Variants in SDK1 observed in about 807,000 individuals in gnomAD.
The protein encoded by SDK1 is sidekick cell adhesion molecule 1.
Under a neutral mutation model 245.5 loss-of-function variants are expected in SDK1, and 157 were observed. The observed-to-expected ratio is 0.64, with a 90% CI of 0.56 to 0.73. The LOEUF is 0.73. Ranked by LOEUF, SDK1 falls within the 30% of genes least tolerant of loss-of-function variation. SDK1 has a pLI of 0.00. For missense variants in SDK1, 3,583 were observed against 3,002.3 expected, an observed-to-expected ratio of 1.19 and a Z score of -4.52; for synonymous variants, 1,647 against 1,278.5, an observed-to-expected ratio of 1.29 and a Z score of -6.15.
chr7:3,536,621 G>A (rs1778894855), intron 1 of SDK1, among the ~76,000 whole-genome samples: 1 of 151,936 alleles, frequency 6.6e-6, no homozygotes, highest in South Asian at 2.1e-4. Context: ...TCGAACGTGG[G>A]AGATGGAGGT....
In SDK1 at chr7:4,262,276, G is replaced by C. The variant is rs1325226303; in HGVS notation, c.6382-2848G>C. Among the ~76,000 whole-genome samples the C allele has an allele frequency of 1.3e-5, 2 of 151,600 alleles. 1 individual carries two copies. The highest frequency in any genetic ancestry group is 4.8e-5 in the African/African-American group (2 of 41,256). On this transcript the variant is annotated intron_variant, in intron 44 of 44. Coordinates refer to ENST00000404826, the MANE Select transcript of SDK1 (RefSeq NM_152744.4). ...TGGTCTCGAACTCCTGACCTCAGGTGATCTGCCGACCTCAGGTGATCCGCT... is the reference window on the plus strand; with the variant it reads ...TGGTCTCGAACTCCTGACCTCAGGTCATCTGCCGACCTCAGGTGATCCGCT...
chr7:3,791,969 C>T (rs1385695277), intron 4 of SDK1, among the ~76,000 whole-genome samples: 1 of 149,070 alleles, frequency 6.7e-6, no homozygotes, highest in Non-Finnish European at 1.5e-5. Context: ...CCAAAAAATG[C>T]AAAAAAAAAT....
At chr7:3,706,337 A>G (rs1412581948) in intron 4 of SDK1, among the ~76,000 whole-genome samples, 1 of 152,148 alleles carries the variant, frequency 6.6e-6, no homozygotes, top group East Asian at 1.9e-4. Context: ...TTTCAGTAGG[A>G]TTGGCACCAA....
intron 1 of SDK1, among the ~76,000 whole-genome samples, chr7:3,414,959 TATTA>T (rs1382010445): frequency 6.6e-6 from 1 of 152,224 alleles, no homozygotes; most frequent in East Asian, 1.9e-4. Flanking sequence ...TACCACATTT[TATTA>T]ATTTATCAGT....
At position 4,233,394 on chromosome 7, in the gene SDK1, C is replaced by T. The variant is rs1487716981; in HGVS notation, c.5967C>T (p.Pro1989=). The T allele has an allele frequency of 4.3e-6, 7 of 1,613,122 alleles. No individual in the cohort carries two copies. The highest frequency in any genetic ancestry group is 3.3e-5 in the Admixed American group (2 of 60,028). ...VAVNEAGYGE[P]SNPSTAVSAQ... ...TGAATGAGGCGGGCTACGGGGAGCC[C>T]AGCAACCCCTCCACGGCTGTGTCAG... Residue 1989 remains proline, a synonymous_variant, in exon 41 of 45, where the codon CCC becomes CCT. Coordinates refer to ENST00000404826, the MANE Select transcript of SDK1 (RefSeq NM_152744.4).
At chr7:3,618,735 T>C (rs940414211) in intron 1 of SDK1, among the ~76,000 whole-genome samples, 13 of 152,250 alleles carry the variant, frequency 8.5e-5, no homozygotes, top group Non-Finnish European at 1.9e-4. Flanking sequence ...CTTGACTGTT[T>C]TCTCGCAAAT....
At position 4,246,164 on chromosome 7, in the gene SDK1, C is replaced by T. The variant is rs190722482; in HGVS notation, c.6381+359C>T. On this transcript the variant is annotated intron_variant, in intron 44 of 44. Coordinates refer to ENST00000404826, the MANE Select transcript of SDK1 (RefSeq NM_152744.4). ...ATTGATGGAAGCGCAGGTTCCGACT[C>T]CTAAGTCCCAGAGACTGCAGTGAGA... is the stretch of plus-strand genomic sequence containing the variant. Among the ~76,000 whole-genome samples, 194 of 152,326 alleles carry T rather than the reference C, an allele frequency of 1.3e-3. 1 individual carries two copies. The highest frequency in any genetic ancestry group is 0.01 in the Middle Eastern group (3 of 294).
At chr7:3,712,870 A>G (rs911592782) in intron 4 of SDK1, among the ~76,000 whole-genome samples, 1 of 152,312 alleles carries the variant, frequency 6.6e-6, no homozygotes, top group Middle Eastern at 3.4e-3. Flanking sequence ...GTGCCCCCAC[A>G]ATATAGACCC....
rs528973330 is a variant in SDK1 at position 3,377,443 on chromosome 7, G to A, written c.298+75559G>A. 2.0e-5 allele frequency among the ~76,000 whole-genome samples: 3 copies of A among 152,276 alleles called. No individual in the cohort carries two copies. In the South Asian group the frequency reaches 6.2e-4, roughly 32 times the overall value. Reference sequence around the variant, plus strand: ...CTCTGGAATGTGGTCAGGTTGCTTGGCAAGCTTCCCCGTGGGGTGCTGTTT... The same window carrying A: ...CTCTGGAATGTGGTCAGGTTGCTTGACAAGCTTCCCCGTGGGGTGCTGTTT... On this transcript the variant is annotated intron_variant, in intron 1 of 44. Coordinates refer to ENST00000404826, the MANE Select transcript of SDK1 (RefSeq NM_152744.4).
Position 4,077,138 on chromosome 7 carries a change from GTGGGCAC to G in SDK1, c.3155_3161del (p.Gly1052AlafsTer3), listed in dbSNP as rs768989728. 1 of 1,614,210 alleles carries G rather than the reference GTGGGCAC, an allele frequency of 6.2e-7. No homozygotes were observed. The highest frequency in any genetic ancestry group is 8.5e-7 in the Non-Finnish European group (1 of 1,180,044). On this transcript the variant is annotated frameshift_variant, in exon 21 of 45. Coordinates refer to ENST00000404826, the MANE Select transcript of SDK1 (RefSeq NM_152744.4). LOFTEE classifies it high-confidence loss of function. The stretch of plus-strand genomic sequence containing the variant: ...CATCGACGTGGCCGCTGTGACTGCC[GTGGGCAC>G]TGGCCTGGTGACTTCATCCACCATT...
chr7:4,052,710 A>C (rs1778946939), intron 19 of SDK1, among the ~76,000 whole-genome samples: 1 of 152,192 alleles, frequency 6.6e-6, no homozygotes, highest in Non-Finnish European at 1.5e-5. Context: ...TATCATTATG[A>C]GTAGTTTTGG....
At chr7:3,664,874 CAG>C (rs376912977) in intron 4 of SDK1, among the ~76,000 whole-genome samples, 17 of 152,120 alleles carry the variant, frequency 1.1e-4, no homozygotes, top group Admixed American at 4.6e-4. Context: ...CTCCAAGAAA[CAG>C]AAACTGTTAC....
intron 4 of SDK1, among the ~76,000 whole-genome samples, chr7:3,816,697 T>A (rs1779516127): frequency 6.6e-6 from 1 of 152,234 alleles, no homozygotes; most frequent in Non-Finnish European, 1.5e-5. Context: ...ATTTTAGTTC[T>A]TGTCGTTGTA....
chr7:4,060,663 A>C (rs947499643), intron 19 of SDK1, among the ~76,000 whole-genome samples: 3 of 151,918 alleles, frequency 2.0e-5, no homozygotes, highest in Non-Finnish European at 4.4e-5. Context: ...CCATTTGTCA[A>C]TTTTGGCTTT....
chr7:3,629,404 G>A (rs555530281), intron 2 of SDK1, among the ~76,000 whole-genome samples: 4 of 152,184 alleles, frequency 2.6e-5, no homozygotes, highest in South Asian at 2.1e-4. Flanking sequence ...CAGAATATTC[G>A]TCAGCACATT....
chr7:3,339,039 T>A (rs1780276771), intron 1 of SDK1, among the ~76,000 whole-genome samples: 1 of 152,118 alleles, frequency 6.6e-6, no homozygotes, highest in East Asian at 1.9e-4. Context: ...TAAGAAAACA[T>A]CCAAAACTGT....
intron 5 of SDK1, among the ~76,000 whole-genome samples, chr7:3,880,914 C>G (rs554471342): frequency 1.3e-5 from 2 of 152,044 alleles, no homozygotes; most frequent in Admixed American, 1.3e-4. Context: ...AGGAAGGCGT[C>G]GAGTTCAGAC....
At position 3,784,075 on chromosome 7, in the gene SDK1, TTTCTTTTCTTTG is replaced by T. The variant is rs1157886111; in HGVS notation, c.714-37372_714-37361del. ...ATTTAAATTTATTTTCTTTTTCTTT[TTTCTTTTCTTTG>T]TTTTTTTTTTTTGGTTAGAGAAAGG... On this transcript the variant is annotated intron_variant, in intron 4 of 44. Transcript: ENST00000404826. Among the ~76,000 whole-genome samples the T allele has an allele frequency of 4.2e-3, 623 of 149,880 alleles. 4 individuals are homozygous for T. Among genetic ancestry groups the T allele is most frequent in the African/African-American group, 0.015 (599 of 39,598 alleles).
chr7:3,884,083 G>GTTTTTTTTTTTT (rs529710738), intron 5 of SDK1, among the ~76,000 whole-genome samples: 1 of 136,190 alleles, frequency 7.3e-6, no homozygotes. Context: ...TTGTTTTTTT[G>GTTTTTTTTTTTT]TTTTTTTTTT....
Sources: gnomAD v4.1 joint callset for allele counts (sites outside exome capture counted in the v4.1 genomes callset) on GRCh38, gnomAD v4.1.1 for gene constraint, MANE v1.5 for transcripts, NCBI Gene and HGNC (gene_info 2026-07-23, HGNC 2026-07-21) for gene names.